The following ARHGAP42 variants were observed in gnomAD, a reference collection of about 807,000 sequenced individuals.
ARHGAP42 encodes the protein Rho GTPase activating protein 42, also known as rho GTPase-activating protein 42.
A neutral mutation model predicts 125.0 loss-of-function variants in ARHGAP42; 63 were observed. The ratio of observed to expected loss-of-function variants is 0.50; its 90% confidence interval spans 0.41 to 0.62. ARHGAP42 has a LOEUF of 0.62. ARHGAP42 is among the 20% of genes least tolerant of loss of function. The pLI is 0.00. For synonymous variants in ARHGAP42, 339 were observed against 351.0 expected (o/e 0.97, Z 0.38); for missense variants, 766 against 1,024.2 (o/e 0.75, Z 3.44).
intron 3 of ARHGAP42, among the ~76,000 whole-genome samples, chr11:100,833,748 T>C (rs1476217777): frequency 6.6e-6 from 1 of 152,092 alleles, no homozygotes; most frequent in Non-Finnish European, 1.5e-5. Flanking sequence ...ACCTAGCCCC[T>C]GCACCCACAT....
At chr11:100,968,631 A>G (rs1858160751) in intron 17 of ARHGAP42, among the ~76,000 whole-genome samples, 2 of 152,270 alleles carry the variant, frequency 1.3e-5, no homozygotes, top group East Asian at 3.9e-4. Context: ...GAGTAAGTAC[A>G]TTTATAGAGT....
chr11:100,867,675 C>G (rs1865603632), intron 4 of ARHGAP42, among the ~76,000 whole-genome samples: 2 of 152,310 alleles, frequency 1.3e-5, no homozygotes, highest in East Asian at 3.9e-4. Context: ...TTTGTGTGTT[C>G]ACTGGAGTAG....
intron 12 of ARHGAP42, among the ~76,000 whole-genome samples, chr11:100,953,962 C>G (rs1044087640): frequency 6.6e-6 from 1 of 151,164 alleles, no homozygotes; most frequent in African/African-American, 2.4e-5. Flanking sequence ...AGTAGCTCAC[C>G]CATATGTTTT....
chr11:100,843,147 C>T (rs753657462), intron 3 of ARHGAP42, among the ~76,000 whole-genome samples: 3 of 151,980 alleles, frequency 2.0e-5, no homozygotes, highest in Non-Finnish European at 2.9e-5. Flanking sequence ...ACAACTGACA[C>T]CACGGAAATA....
intron 4 of ARHGAP42, among the ~76,000 whole-genome samples, chr11:100,883,164 A>C (rs1030233115): frequency 1.3e-5 from 2 of 152,160 alleles, no homozygotes; most frequent in African/African-American, 4.8e-5. Flanking sequence ...TTTTACAGTC[A>C]TTGAACCCTC....
intron 4 of ARHGAP42, among the ~76,000 whole-genome samples, chr11:100,877,244 C>A (rs1423454666): frequency 6.6e-6 from 1 of 152,076 alleles, no homozygotes; most frequent in Non-Finnish European, 1.5e-5. Context: ...ATTTTGAAAA[C>A]TAAAGCTCAG....
At chr11:100,896,596 T>G (rs1398810423) in intron 4 of ARHGAP42, among the ~76,000 whole-genome samples, 2 of 152,244 alleles carry the variant, frequency 1.3e-5, no homozygotes. Context: ...CTAGTGATGA[T>G]GAGCATTTTT....
At chr11:100,746,283 T>C (rs954000037) in intron 1 of ARHGAP42, among the ~76,000 whole-genome samples, 2 of 152,124 alleles carry the variant, frequency 1.3e-5, no homozygotes, top group Non-Finnish European at 2.9e-5. Flanking sequence ...TGTTGGGAAA[T>C]GGAAGCTGGA....
chr11:100,761,307 AG>A (rs1381245836), intron 1 of ARHGAP42, among the ~76,000 whole-genome samples: 1 of 152,208 alleles, frequency 6.6e-6, no homozygotes, highest in Non-Finnish European at 1.5e-5. Flanking sequence ...TGAAGTCAAG[AG>A]TCTGAGGAAG....
intron 6 of ARHGAP42, among the ~76,000 whole-genome samples, chr11:100,930,285 T>C (rs1867540049): frequency 6.6e-6 from 1 of 152,202 alleles, no homozygotes; most frequent in South Asian, 2.1e-4. Flanking sequence ...TCCTGTTCAG[T>C]TCCTTTCATT....
At chr11:100,718,939 TG>T (rs990183115) in intron 1 of ARHGAP42, among the ~76,000 whole-genome samples, 2 of 152,252 alleles carry the variant, frequency 1.3e-5, no homozygotes, top group Non-Finnish European at 2.9e-5. Flanking sequence ...TATTCTCTAA[TG>T]AATGGTATTT....
intron 3 of ARHGAP42, among the ~76,000 whole-genome samples, chr11:100,832,111 A>G (rs1279984511): frequency 6.6e-6 from 1 of 152,240 alleles, no homozygotes; most frequent in Non-Finnish European, 1.5e-5. Flanking sequence ...CTCTTGCCAG[A>G]GATGGCTTTG....
At chr11:100,947,793 CTAAGT>C (rs1393150122) in intron 10 of ARHGAP42, among the ~76,000 whole-genome samples, 2 of 151,892 alleles carry the variant, frequency 1.3e-5, no homozygotes, top group Non-Finnish European at 2.9e-5. Context: ...TTCTGTTTAA[CTAAGT>C]TAATTCCTTT....
intron 3 of ARHGAP42, among the ~76,000 whole-genome samples, chr11:100,843,720 T>G (rs958313659): frequency 1.2e-4 from 18 of 151,214 alleles, no homozygotes; most frequent in Admixed American, 3.3e-4. Flanking sequence ...GAAAAAAAAA[T>G]GCTTAGGAAT....
intron 1 of ARHGAP42, among the ~76,000 whole-genome samples, chr11:100,700,560 T>C (rs1297890180): frequency 6.6e-6 from 1 of 152,370 alleles, no homozygotes; most frequent in South Asian, 2.1e-4. Flanking sequence ...TCGCTTGCTG[T>C]CATTTTAGCA....
chr11:100,934,626 A>T (rs74755419), intron 7 of ARHGAP42, among the ~76,000 whole-genome samples: 1 of 152,298 alleles, frequency 6.6e-6, no homozygotes, highest in Middle Eastern at 3.4e-3. Flanking sequence ...ACAAATAATG[A>T]TGTCTTAATT....
At chr11:100,807,330 A>G (rs1451961699) in intron 3 of ARHGAP42, among the ~76,000 whole-genome samples, 4 of 151,584 alleles carry the variant, frequency 2.6e-5, no homozygotes, top group Admixed American at 2.6e-4. Context: ...TGAGTAGCTG[A>G]GATTACAGGC....
chr11:100,867,262 ACTTCT>A (rs1462601348), intron 4 of ARHGAP42, among the ~76,000 whole-genome samples: 4 of 152,200 alleles, frequency 2.6e-5, no homozygotes, highest in Admixed American at 6.5e-5. Context: ...CCAAACATTG[ACTTCT>A]CTTCTCTAGC....
At chr11:100,874,275 C>T (rs1865760857) in intron 4 of ARHGAP42, among the ~76,000 whole-genome samples, 1 of 152,134 alleles carries the variant, frequency 6.6e-6, no homozygotes, top group African/African-American at 2.4e-5. Flanking sequence ...TCCCAATAGA[C>T]AGCACTAATC....
Sources: gnomAD v4.1 joint callset for allele counts (sites outside exome capture counted in the v4.1 genomes callset) on GRCh38, gnomAD v4.1.1 for gene constraint, MANE v1.5 for transcripts, NCBI Gene and HGNC (gene_info 2026-07-23, HGNC 2026-07-21) for gene names.